Variants in SLC25A26 observed in about 807,000 individuals in gnomAD.
SLC25A26 encodes the protein solute carrier family 25 member 26.
SLC25A26 carries 36 observed loss-of-function variants against 37.8 expected under a neutral mutation model. The ratio of observed to expected loss-of-function variants is 0.95; its 90% CI spans 0.73 to 1.26. The LOEUF (loss-of-function observed/expected upper bound fraction) is 1.26, where lower values mean the gene tolerates loss of function less well. Ranked by LOEUF, SLC25A26 falls within the 50% of genes most tolerant of loss-of-function variation. The pLI is 0.00. For missense variants in SLC25A26, 390 were observed against 331.1 expected, an observed-to-expected ratio of 1.18 and a Z score of -1.38; for synonymous variants, 129 against 122.5, an observed-to-expected ratio of 1.05 and a Z score of -0.35.
At chr3:66,266,576 C>CTTT (rs1004250488) in intron 5 of SLC25A26, among the ~76,000 whole-genome samples, 1,480 of 111,470 alleles carry the variant, frequency 0.013, 63 homozygotes, top group African/African-American at 0.047. Flanking sequence ...TGTTGTCACA[C>CTTT]TTTTTTTTTT....
At chr3:66,334,179 T>C (rs1390604754) in intron 5 of SLC25A26, among the ~76,000 whole-genome samples, 1 of 152,224 alleles carries the variant, frequency 6.6e-6, no homozygotes, top group African/African-American at 2.4e-5. Flanking sequence ...AGAAGATTGA[T>C]GATACTTCCC....
chr3:66,253,708 T>C (rs1250517758), intron 3 of SLC25A26, among the ~76,000 whole-genome samples: 3 of 152,164 alleles, frequency 2.0e-5, no homozygotes, highest in Non-Finnish European at 4.4e-5. Flanking sequence ...AAGCTTATGT[T>C]TTAAGCCACT....
At chr3:66,346,308 A>G (rs2076321140) in intron 5 of SLC25A26, 56 bp from the exon 6 acceptor site, 2 of 874,464 alleles carry the variant, frequency 2.3e-6, no homozygotes, top group African/African-American at 3.5e-5. Context: ...ATAGTCATAC[A>G]GGCAAACTTG....
Position 66,370,620 on chromosome 3 carries a change from CTCCT to C in SLC25A26, c.707+24_707+27del. 1.2e-6 allele frequency: 2 copies of C among 1,606,142 alleles called. No individual in the cohort carries two copies. Among genetic ancestry groups the C allele is most frequent in the Non-Finnish European group, 1.7e-6 (2 of 1,173,946 alleles). Reference sequence around the variant, plus strand: ...CTGGCAGGGTAAGACGAGGAATGCCCTCCTTCCTTTCTTCCTCTCCACCACTCCT... The same window carrying C: ...CTGGCAGGGTAAGACGAGGAATGCCCTCCTTTCTTCCTCTCCACCACTCCT... On this transcript the variant is annotated intron_variant, in intron 9 of 9. Coordinates refer to ENST00000354883, the MANE Select transcript of SLC25A26 (RefSeq NM_001379210.1).
chr3:66,175,124 TATATATATATATATATAC>T (rs1559560890), intron 1 of SLC25A26, among the ~76,000 whole-genome samples: 3 of 91,230 alleles, frequency 3.3e-5, no homozygotes, highest in African/African-American at 8.9e-5. Context: ...TATATATATA[TATATATATATATATATAC>T]ACACACACAC....
At chr3:66,369,808 C>T (rs1309785632) in intron 8 of SLC25A26, among the ~76,000 whole-genome samples, 9 of 152,192 alleles carry the variant, frequency 5.9e-5, no homozygotes, top group Non-Finnish European at 1.2e-4. Context: ...TCTGTTTTTA[C>T]TGGTGACAAA....
At chr3:66,275,521 C>T (rs1051504887) in intron 5 of SLC25A26, among the ~76,000 whole-genome samples, 2 of 151,994 alleles carry the variant, frequency 1.3e-5, no homozygotes, top group Non-Finnish European at 2.9e-5. Context: ...GAGTGTGGCA[C>T]ATAGCACACT....
At chr3:66,279,469 T>C (rs1224437151) in intron 5 of SLC25A26, among the ~76,000 whole-genome samples, 1 of 152,148 alleles carries the variant, frequency 6.6e-6, no homozygotes, top group Non-Finnish European at 1.5e-5. Context: ...ATATGAAAAA[T>C]ATAAGAATTT....
In SLC25A26 at chr3:66,262,118, G is replaced by T; in HGVS notation, c.368G>T (p.Arg123Ile). The stretch of plus-strand genomic sequence containing the variant: ...AGGGCACAGGTATCTGCTTCTACAA[G>T]AACATTTCAGATTTTCTCTAACATC... The part of the protein sequence containing the change: ...KQRAQVSAST[R>I]TFQIFSNILY... The change falls in exon 4 of 10, where the codon AGA becomes ATA. Residue 123 changes from arginine to isoleucine, a missense_variant. By Grantham distance (97) the Arg-to-Ile change is moderately conservative. Coordinates refer to ENST00000354883, the MANE Select transcript of SLC25A26 (RefSeq NM_001379210.1). The T allele has an allele frequency of 6.3e-7, 1 of 1,577,546 alleles. No individual in the cohort carries two copies. The highest frequency in any genetic ancestry group is 1.2e-5 in the South Asian group (1 of 84,984).
At chr3:66,178,941 C>T (rs2070641822) in intron 1 of SLC25A26, among the ~76,000 whole-genome samples, 1 of 152,112 alleles carries the variant, frequency 6.6e-6, no homozygotes, top group African/African-American at 2.4e-5. Flanking sequence ...GGATGTTTTC[C>T]AAATTCCTGG....
intron 5 of SLC25A26, among the ~76,000 whole-genome samples, chr3:66,320,507 T>G (rs1194260192): frequency 1.3e-5 from 2 of 152,236 alleles, no homozygotes; most frequent in African/African-American, 4.8e-5. Context: ...CCGGGTTGTT[T>G]CCATCTTTTG....
At chr3:66,234,959 C>A (rs1400972739) in intron 1 of SLC25A26, among the ~76,000 whole-genome samples, 2 of 152,078 alleles carry the variant, frequency 1.3e-5, no homozygotes, top group Non-Finnish European at 2.9e-5. Context: ...GGAAAGTTTC[C>A]TCTTTATAAT....
At chr3:66,361,792 CGT>C (rs2076713669) in intron 6 of SLC25A26, among the ~76,000 whole-genome samples, 1 of 152,050 alleles carries the variant, frequency 6.6e-6, no homozygotes, top group Admixed American at 6.6e-5. Flanking sequence ...GGTGAAACCC[CGT>C]GTCTAGGACT....
intron 5 of SLC25A26, among the ~76,000 whole-genome samples, chr3:66,332,455 A>G (rs1234560761): frequency 6.6e-6 from 1 of 152,238 alleles, no homozygotes; most frequent in African/African-American, 2.4e-5. Context: ...TATAACTACC[A>G]TATTTCATAA....
intron 1 of SLC25A26, among the ~76,000 whole-genome samples, chr3:66,166,756 T>C (rs2070430201): frequency 6.6e-6 from 1 of 152,172 alleles, no homozygotes; most frequent in African/African-American, 2.4e-5. Flanking sequence ...CTGTCAATCA[T>C]ATCCAGTGCC....
intron 5 of SLC25A26, among the ~76,000 whole-genome samples, chr3:66,311,628 G>T (rs116724761): frequency 6.0e-4 from 91 of 152,102 alleles, no homozygotes; most frequent in African/African-American, 1.9e-3. Flanking sequence ...TCATGGATTT[G>T]TCTGCCTTTG....
chr3:66,138,993 T>C (rs2069992922), intron 1 of SLC25A26, among the ~76,000 whole-genome samples: 2 of 152,136 alleles, frequency 1.3e-5, no homozygotes, highest in African/African-American at 2.4e-5. Flanking sequence ...TGATTACTTA[T>C]TCAGTTGAAA....
At chr3:66,198,952 T>A (rs1223613641) in intron 1 of SLC25A26, among the ~76,000 whole-genome samples, 2 of 151,914 alleles carry the variant, frequency 1.3e-5, no homozygotes, top group Non-Finnish European at 2.9e-5. Context: ...TTGACCTGAC[T>A]TGGCACTGAC....
chr3:66,289,105 G>A lies in SLC25A26; in HGVS notation c.453+25726G>A, dbSNP rs56339001. On this transcript the variant is annotated intron_variant, in intron 5 of 9. Coordinates refer to ENST00000354883, the MANE Select transcript of SLC25A26 (RefSeq NM_001379210.1). ...ATGATGAGCATTTTTTCATATGTTT[G>A]TTGGCCACATAAATGTCTTTTTTTG... 6.5e-3 allele frequency among the ~76,000 whole-genome samples: 993 copies of A among 152,156 alleles called. 10 individuals carry two copies. Among genetic ancestry groups the A allele is most frequent in the Admixed American group, 0.01 (158 of 15,280 alleles).
Sources: gnomAD v4.1 joint callset for allele counts (sites outside exome capture counted in the v4.1 genomes callset) on GRCh38, gnomAD v4.1.1 for gene constraint, MANE v1.5 for transcripts, NCBI Gene and HGNC (gene_info 2026-07-23, HGNC 2026-07-21) for gene names.